Variants in STOX2 observed in about 807,000 individuals in gnomAD.
STOX2 encodes the protein storkhead-box protein 2.
A neutral mutation model predicts 60.9 loss-of-function variants in STOX2; 28 were observed. That is an observed-to-expected ratio of 0.46 (90% CI 0.34 to 0.63). The LOEUF (loss-of-function observed/expected upper bound fraction) is 0.63. Ranked by LOEUF, STOX2 falls within the 30% of genes least tolerant of loss-of-function variation. STOX2 has a pLI of 0.01. For synonymous variants in STOX2, 472 were observed against 463.9 expected (o/e 1.02, Z -0.22); for missense variants, 1,024 against 1,187.7 (o/e 0.86, Z 2.03).
chr4:183,990,483 C>CT (rs1450740607), intron 1 of STOX2, among the ~76,000 whole-genome samples: 12 of 149,274 alleles, frequency 8.0e-5, no homozygotes. Context: ...AAGATTTATG[C>CT]TTTTTTCTGC....
chr4:183,839,289 T>G (rs1230651132), intron 1 of STOX2, among the ~76,000 whole-genome samples: 5 of 152,148 alleles, frequency 3.3e-5, no homozygotes, highest in Admixed American at 3.3e-4. Flanking sequence ...CACAGAGACA[T>G]CTAGACATCT....
At chr4:183,926,696 TCACTGAAACCTC>T (rs1222069022) in intron 1 of STOX2, among the ~76,000 whole-genome samples, 1 of 152,104 alleles carries the variant, frequency 6.6e-6, no homozygotes, top group Non-Finnish European at 1.5e-5. Context: ...CAATATTGGC[TCACTGAAACCTC>T]CACCTCCCGG....
chr4:183,897,522 G>A (rs1258153833), intron 1 of STOX2, among the ~76,000 whole-genome samples: 1 of 152,194 alleles, frequency 6.6e-6, no homozygotes, highest in Non-Finnish European at 1.5e-5. Context: ...TGAGGAGCTG[G>A]ACACTGAGGT....
chr4:183,808,365 G>A (rs1032623582), intron 1 of STOX2, among the ~76,000 whole-genome samples: 1 of 152,188 alleles, frequency 6.6e-6, no homozygotes, highest in Admixed American at 6.5e-5. Context: ...GTCGTGATAG[G>A]CTGGGAAAGC....
chr4:183,896,671 C>A (rs1741346761), intron 1 of STOX2, among the ~76,000 whole-genome samples: 1 of 152,208 alleles, frequency 6.6e-6, no homozygotes, highest in Admixed American at 6.5e-5. Flanking sequence ...TTTCTTCCTA[C>A]TGCAGTTTAC....
At chr4:183,957,910 C>T (rs1295429026) in intron 1 of STOX2, among the ~76,000 whole-genome samples, 2 of 149,636 alleles carry the variant, frequency 1.3e-5, no homozygotes, top group Non-Finnish European at 3.0e-5. Flanking sequence ...ATAAGGCACC[C>T]TGGTTTCTTT....
At chr4:183,924,718 C>G (rs1037431844) in intron 1 of STOX2, among the ~76,000 whole-genome samples, 2 of 152,134 alleles carry the variant, frequency 1.3e-5, no homozygotes, top group African/African-American at 4.8e-5. Context: ...ACTGATAGGC[C>G]GGCAGTGGAT....
At chr4:183,882,578 AT>A (rs1255868934) in intron 1 of STOX2, among the ~76,000 whole-genome samples, 1 of 152,204 alleles carries the variant, frequency 6.6e-6, no homozygotes. Context: ...TTCTCCCAAC[AT>A]TTAGATTGAA....
At chr4:183,859,797 T>A (rs1740388619) in intron 1 of STOX2, among the ~76,000 whole-genome samples, 1 of 152,244 alleles carries the variant, frequency 6.6e-6, no homozygotes, top group African/African-American at 2.4e-5. Context: ...CCGAACTGAA[T>A]GGATTTTTTT....
chr4:183,894,945 C>T (rs1741307593), intron 1 of STOX2, among the ~76,000 whole-genome samples: 1 of 152,222 alleles, frequency 6.6e-6, no homozygotes, highest in Middle Eastern at 3.4e-3. Flanking sequence ...AATAAGACAT[C>T]CTAAAAATTG....
intron 1 of STOX2, among the ~76,000 whole-genome samples, chr4:183,887,358 G>A (rs531352044): frequency 8.5e-5 from 13 of 152,290 alleles, no homozygotes; most frequent in East Asian, 1.9e-4. Context: ...AATTTAGGCC[G>A]TTATAAATTT....
chr4:183,872,526 T>A (rs1031034518), intron 1 of STOX2, among the ~76,000 whole-genome samples: 7 of 152,130 alleles, frequency 4.6e-5, no homozygotes, highest in African/African-American at 9.7e-5. Flanking sequence ...AAAATGTAAA[T>A]AAAGGCAGAA....
chr4:183,964,370 C>T (rs936538510), intron 1 of STOX2, among the ~76,000 whole-genome samples: 7 of 152,124 alleles, frequency 4.6e-5, no homozygotes, highest in African/African-American at 1.7e-4. Context: ...TTATTTGGAG[C>T]TCATGTTATT....
intron 1 of STOX2, among the ~76,000 whole-genome samples, chr4:183,919,040 C>T (rs910398902): frequency 2.0e-5 from 3 of 152,158 alleles, no homozygotes; most frequent in Admixed American, 6.5e-5. Flanking sequence ...CAAAACGGTA[C>T]GAAGTAACTT....
At chr4:183,919,601 ATTG>A (rs374697175) in intron 1 of STOX2, among the ~76,000 whole-genome samples, 10 of 152,146 alleles carry the variant, frequency 6.6e-5, no homozygotes, top group Middle Eastern at 3.4e-3. Context: ...GAAGGAAACC[ATTG>A]TTGTTATTGG....
chr4:183,831,332 C>T (rs907762834), intron 1 of STOX2, among the ~76,000 whole-genome samples: 6 of 152,118 alleles, frequency 3.9e-5, no homozygotes, highest in African/African-American at 1.2e-4. Flanking sequence ...CATTTCCGCC[C>T]CCAAGTTTGC....
At chr4:183,852,535 G>GA (rs1740177625) in intron 1 of STOX2, among the ~76,000 whole-genome samples, 3 of 148,348 alleles carry the variant, frequency 2.0e-5, no homozygotes, top group Non-Finnish European at 3.0e-5. Context: ...GAAAGGATGA[G>GA]GGAAAGGATG....
At chr4:183,992,161 G>A (rs1411616770) in intron 1 of STOX2, among the ~76,000 whole-genome samples, 1 of 152,182 alleles carries the variant, frequency 6.6e-6, no homozygotes, top group Non-Finnish European at 1.5e-5. Flanking sequence ...TCGGTTTTAG[G>A]GGGGTTGGTT....
At chr4:183,853,195 A>G (rs749314935) in intron 1 of STOX2, among the ~76,000 whole-genome samples, 1 of 152,198 alleles carries the variant, frequency 6.6e-6, no homozygotes, top group South Asian at 2.1e-4. Flanking sequence ...TATAAAATAC[A>G]GGTGGCTTAA....
Sources: gnomAD v4.1 joint callset for allele counts (sites outside exome capture counted in the v4.1 genomes callset) on GRCh38, gnomAD v4.1.1 for gene constraint, MANE v1.5 for transcripts, NCBI Gene and HGNC (gene_info 2026-07-23, HGNC 2026-07-21) for gene names.